KIAA1614: variants seen among roughly 807,000 people sequenced by gnomAD.
KIAA1614 encodes uncharacterized protein KIAA1614.
A neutral mutation model predicts 88.7 loss-of-function variants in KIAA1614; 76 were observed. The observed-to-expected ratio is 0.86, with a 90% CI of 0.71 to 1.04. The LOEUF (loss-of-function observed/expected upper bound fraction) is 1.04. KIAA1614 is among the 50% of genes least tolerant of loss of function. The pLI, the probability that KIAA1614 is intolerant of heterozygous loss-of-function variation, is 0.00. For missense variants in KIAA1614, 1,553 were observed against 1,582.5 expected (o/e 0.98, Z 0.32); for synonymous variants, 714 against 675.5 (o/e 1.06, Z -0.88).
chr1:180,917,095 C>A lies in KIAA1614; in HGVS notation c.992C>A (p.Ala331Glu), dbSNP rs761784349. 2.0e-5 allele frequency: 33 copies of A among 1,611,556 alleles called. No homozygotes were observed. Among genetic ancestry groups the A allele is most frequent in the Non-Finnish European group, 2.1e-5 (25 of 1,178,954 alleles). Residue 331 changes from alanine to glutamate, a missense_variant, in exon 2 of 9, where the codon GCA becomes GAA. Transcript: ENST00000367588. ...PAWTPSWDTA[A>E]PERPVGDVDW... ...TGGACTCCATCCTGGGACACAGCTG[C>A]ACCAGGTGAAGCTCACTGTGTAGGT...
Position 180,916,741 on chromosome 1 carries a change from T to C in KIAA1614, c.638T>C (p.Ile213Thr), listed in dbSNP as rs772824321. ...CCCAGCTCTTTGCAACAGAGCCCGA[T>C]CCATGGAGTTACTCCCGGACGGCCT... Reference protein sequence around the residue: ...LGPSSLQQSPIHGVTPGRPGG... With the variant: ...LGPSSLQQSPTHGVTPGRPGG... Residue 213 changes from isoleucine (I) to threonine (T), a missense_variant, in exon 2 of 9, where the codon ATC becomes ACC. Coordinates refer to ENST00000367588, the MANE Select transcript of KIAA1614 (RefSeq NM_020950.2). 1.1e-5 allele frequency: 18 copies of C among 1,614,018 alleles called. No individual in the cohort carries two copies. The highest frequency in any genetic ancestry group is 1.1e-4 in the African/African-American group (8 of 74,928).
At chr1:180,934,231 A>G (rs889025361) in intron 4 of KIAA1614, among the ~76,000 whole-genome samples, 2 of 148,216 alleles carry the variant, frequency 1.3e-5, no homozygotes, top group Non-Finnish European at 3.0e-5. Context: ...CAGCCTGGAC[A>G]ACAAGAGTAA....
intron 3 of KIAA1614, among the ~76,000 whole-genome samples, chr1:180,923,257 G>A (rs1653992666): frequency 6.6e-6 from 1 of 152,200 alleles, no homozygotes; most frequent in Non-Finnish European, 1.5e-5. Flanking sequence ...CCCTGACGGA[G>A]GTTAGGAGGT....
intron 7 of KIAA1614, among the ~76,000 whole-genome samples, chr1:180,943,548 A>AATTTTTTTTTTTTTTT (rs1654516222): frequency 1.3e-5 from 1 of 74,862 alleles, no homozygotes; most frequent in African/African-American, 5.6e-5. Flanking sequence ...ATGGTAGTAG[A>AATTTTTTTTTTTTTTT]TCTTTTTTTT....
intron 5 of KIAA1614, among the ~76,000 whole-genome samples, chr1:180,937,803 C>T (rs1654366786): frequency 6.6e-6 from 1 of 152,196 alleles, no homozygotes; most frequent in Non-Finnish European, 1.5e-5. Context: ...TCCCTCCCAC[C>T]CTGTGCTGAG....
At chr1:180,917,507 C>T (rs553097734) in intron 2 of KIAA1614, among the ~76,000 whole-genome samples, 2 of 152,138 alleles carry the variant, frequency 1.3e-5, no homozygotes, top group South Asian at 2.1e-4. Flanking sequence ...GGAGGCTGGG[C>T]GTTCTAGCAG....
Position 180,928,288 on chromosome 1 carries a change from G to T in KIAA1614, c.1062-142G>T, listed in dbSNP as rs943094287. On this transcript the variant is annotated intron_variant, in intron 3 of 8. Coordinates refer to ENST00000367588, the MANE Select transcript of KIAA1614 (RefSeq NM_020950.2). ...CAGGCCCCCAGGCTGGGTTCCCTGT[G>T]CGTGGGTGCTAGAGGAGGAAGGCTG... 1.1e-5 allele frequency: 11 copies of T among 1,035,226 alleles called. No homozygotes were observed. The African/African-American group carries it at 1.7e-4, about 16-fold the overall frequency. The allele number at this position is 1,035,226 out of a possible 1,614,324, so 64.1% of individuals were successfully genotyped here.
rs1010280797 is a variant in KIAA1614 at position 180,925,352 on chromosome 1, G to A, written c.1062-3078G>A. Among the ~76,000 whole-genome samples the A allele has an allele frequency of 1.5e-4, 23 of 152,192 alleles. 1 individual carries two copies. The highest frequency in any genetic ancestry group is 7.3e-5 in the Non-Finnish European group (5 of 68,038). On this transcript the variant is annotated intron_variant, in intron 3 of 8. Coordinates refer to ENST00000367588, the MANE Select transcript of KIAA1614 (RefSeq NM_020950.2). ...AGAAAGCTTTCAAATACGCAAACATGGAACAAATGCTAAGCAGAAAAGTTT... is the reference window on the plus strand; with the variant it reads ...AGAAAGCTTTCAAATACGCAAACATAGAACAAATGCTAAGCAGAAAAGTTT...
intron 8 of KIAA1614, 113 bp downstream of exon 8, chr1:180,944,629 G>A: frequency 1.7e-6 from 2 of 1,207,506 alleles, no homozygotes; most frequent in Non-Finnish European, 2.3e-6. Context: ...CCTTTGAAGG[G>A]AAAGCAACAG....
Position 180,945,107 on chromosome 1 carries a change from G to A in KIAA1614, c.3288-196G>A, listed in dbSNP as rs1446869666. 7.1e-6 allele frequency: 4 copies of A among 563,908 alleles called. No homozygotes were observed. The East Asian group carries it at 1.0e-4, about 14-fold the overall frequency. The allele number at this position is 563,908 out of a possible 1,614,324, so 34.9% of individuals were successfully genotyped here. A position where few individuals can be genotyped will look rare whatever the true frequency, so the allele number is the denominator to read the frequency against. On this transcript the variant is annotated intron_variant, in intron 8 of 8. Transcript: ENST00000367588. The stretch of plus-strand genomic sequence containing the variant: ...GTTTCTAGTTCCACAGCAGGCCTTG[G>A]GGGGCCTTGCACAGCGGCGGAAACC...
At position 180,916,862 on chromosome 1, in the gene KIAA1614, T is replaced by C; in HGVS notation, c.759T>C (p.Asp253=). The part of the protein sequence containing the change: ...PFPDGVVTEA[D]LDSTSLTSEE... ...CAGATGGCGTGGTGACAGAGGCAGA[T>C]CTGGATAGCACATCCCTGACCTCCG... The change falls in exon 2 of 9, where the codon GAT becomes GAC. Residue 253 remains aspartate (D), a synonymous_variant. Transcript: ENST00000367588. 6.2e-7 allele frequency: 1 copy of C among 1,614,186 alleles called. No homozygotes were observed. The highest frequency in any genetic ancestry group is 2.2e-5 in the East Asian group (1 of 44,876).
chr1:180,929,256 AG>A (rs1654141662), intron 4 of KIAA1614, among the ~76,000 whole-genome samples: 1 of 152,218 alleles, frequency 6.6e-6, no homozygotes, highest in Admixed American at 6.5e-5. Flanking sequence ...TGAGTGCTGC[AG>A]GACTGTGAGC....
Position 180,916,162 on chromosome 1 carries a change from A to G in KIAA1614, c.59A>G (p.Lys20Arg), listed in dbSNP as rs1335510921. 1 of 1,560,160 alleles carries G rather than the reference A, an allele frequency of 6.4e-7. No homozygotes were observed. Among genetic ancestry groups the G allele is most frequent in the East Asian group, 2.3e-5 (1 of 44,372 alleles). ...TCTGTTTTCTCCTCCAGAGGGCCCA[A>G]GACAGGGAGTGGAACAGCCAGCCCC... ...KPAGGSPQGPKTGSGTASPVE... is the reference protein window; with the variant it reads ...KPAGGSPQGPRTGSGTASPVE... Residue 20 changes from lysine to arginine, a missense_variant, in exon 2 of 9, where the codon AAG becomes AGG. Lys to Arg is a conservative substitution (Grantham distance 26, BLOSUM62 2). Transcript: ENST00000367588.
chr1:180,943,323 G>A (rs969190535), intron 7 of KIAA1614, among the ~76,000 whole-genome samples: 7 of 151,940 alleles, frequency 4.6e-5, no homozygotes, highest in East Asian at 1.9e-4. Context: ...CACTGTGCCC[G>A]GCTGTATATA....
Position 180,935,537 on chromosome 1 carries a change from T to C in KIAA1614, c.1628T>C (p.Ile543Thr), listed in dbSNP as rs1654306324. The change falls in exon 5 of 9, where the codon ATC (isoleucine) becomes ACC (threonine). Residue 543 changes from isoleucine (I) to threonine (T), a missense_variant. By Grantham distance (89) the Ile-to-Thr change is moderately conservative. Transcript: ENST00000367588. The surrounding 1 kb of genome is among the most constrained non-coding windows in gnomAD (Gnocchi z 6.1). ...ERRCQACGSCIDDPRPAQGKA... is the reference protein window; with the variant it reads ...ERRCQACGSCTDDPRPAQGKA... ...AGGTGCCAGGCCTGCGGCAGCTGCA[T>C]CGACGACCCGCGCCCCGCCCAGGGG... is the stretch of plus-strand genomic sequence containing the variant. The C allele has an allele frequency of 1.9e-6, 3 of 1,572,760 alleles. No homozygotes were observed. The highest frequency in any genetic ancestry group is 1.8e-5 in the Admixed American group (1 of 55,912).
Position 180,935,510 on chromosome 1 carries a change from G to A in KIAA1614, c.1601G>A (p.Arg534Lys). Residue 534 changes from arginine to lysine, a missense_variant, in exon 5 of 9, where the codon AGG (arginine) becomes AAG (lysine). Transcript: ENST00000367588. The surrounding 1 kb of genome is among the most constrained non-coding windows in gnomAD (Gnocchi z 6.1). ...HPAPPAPGSE[R>K]RCQACGSCID... ...GCACCGCCGGCACCGGGCAGCGAGA[G>A]GAGGTGCCAGGCCTGCGGCAGCTGC... 1 of 1,530,800 alleles carries A rather than the reference G, an allele frequency of 6.5e-7. No individual in the cohort carries two copies. The highest frequency in any genetic ancestry group is 8.7e-7 in the Non-Finnish European group (1 of 1,143,384). 94.8% of individuals were successfully genotyped at this position (1,530,800 alleles called of 1,614,324 possible). A position where few individuals can be genotyped will look rare whatever the true frequency, so the allele number is the denominator to read the frequency against.
intron 4 of KIAA1614, among the ~76,000 whole-genome samples, chr1:180,930,247 G>A (rs749934254): frequency 1.3e-5 from 2 of 152,072 alleles, no homozygotes; most frequent in Non-Finnish European, 2.9e-5. Context: ...GTGAAACCCC[G>A]TCTCTACTAA....
chr1:180,925,602 T>G (rs538228325), intron 3 of KIAA1614, among the ~76,000 whole-genome samples: 153 of 152,346 alleles, frequency 1.0e-3, no homozygotes, highest in South Asian at 7.0e-3. Context: ...GCAATGGTGG[T>G]TCTCCTGCCC....
At chr1:180,925,697 A>G (rs1466785159) in intron 3 of KIAA1614, among the ~76,000 whole-genome samples, 5 of 152,170 alleles carry the variant, frequency 3.3e-5, no homozygotes, top group Admixed American at 1.3e-4. Context: ...CCAGAGCAGG[A>G]GGGGACCACA....
Sources: gnomAD v4.1 joint callset for allele counts (sites outside exome capture counted in the v4.1 genomes callset) on GRCh38, gnomAD v4.1.1 for gene constraint, Gnocchi (gnomAD v3.1) non-coding constraint, MANE v1.5 for transcripts, NCBI Gene and HGNC (gene_info 2026-07-23, HGNC 2026-07-21) for gene names.